PDE4D: variants seen among roughly 807,000 people sequenced by gnomAD.
PDE4D encodes the protein 3',5'-cyclic-AMP phosphodiesterase 4D.
PDE4D carries 24 observed loss-of-function variants against 87.4 expected under a neutral mutation model. That is an observed-to-expected ratio of 0.27 (90% CI 0.20 to 0.39). PDE4D has a LOEUF of 0.39. Among genes scored for constraint, PDE4D ranks in the 10% least tolerant of loss-of-function variants. The pLI, the probability that PDE4D is intolerant of heterozygous loss-of-function variation, is 1.00. For synonymous variants in PDE4D, 384 were observed against 383.2 expected (o/e 1.00, Z -0.02); for missense variants, 714 against 1,041.0 (o/e 0.69, Z 4.32).
At chr5:60,476,228 G>A (rs1480599821) in intron 1 of PDE4D, among the ~76,000 whole-genome samples, 1 of 152,174 alleles carries the variant, frequency 6.6e-6, no homozygotes, top group East Asian at 1.9e-4. Context: ...TCATGCATGT[G>A]ACATAGCACC....
intron 1 of PDE4D, among the ~76,000 whole-genome samples, chr5:59,508,378 G>A (rs1809656682): frequency 6.6e-6 from 1 of 152,082 alleles, no homozygotes; most frequent in Non-Finnish European, 1.5e-5. Flanking sequence ...ATATGGCATT[G>A]GATATTTGCG....
intron 1 of PDE4D, among the ~76,000 whole-genome samples, chr5:59,471,467 AT>A (rs1386937651): frequency 4.6e-5 from 7 of 152,252 alleles, no homozygotes; most frequent in Non-Finnish European, 1.0e-4. Flanking sequence ...TATGAGAATG[AT>A]TTTTAAAACA....
intron 5 of PDE4D, among the ~76,000 whole-genome samples, chr5:59,128,552 C>A (rs941869191): frequency 6.6e-6 from 1 of 152,032 alleles, no homozygotes; most frequent in African/African-American, 2.4e-5. Context: ...TCCAAATCTA[C>A]CCTAAAGCAT....
At chr5:59,061,129 G>A (rs1200619477) in intron 5 of PDE4D, among the ~76,000 whole-genome samples, 1 of 151,976 alleles carries the variant, frequency 6.6e-6, no homozygotes, top group African/African-American at 2.4e-5. Flanking sequence ...CACTATTCTT[G>A]TAAAGTCATT....
chr5:59,340,425 A>C (rs1032315059), intron 1 of PDE4D, among the ~76,000 whole-genome samples: 5 of 152,164 alleles, frequency 3.3e-5, no homozygotes, highest in African/African-American at 1.2e-4. Context: ...TAGTAGGTAT[A>C]TTTATGGGGT....
At chr5:60,397,008 C>A (rs946774287) in intron 1 of PDE4D, among the ~76,000 whole-genome samples, 4 of 152,182 alleles carry the variant, frequency 2.6e-5, no homozygotes, top group Admixed American at 6.5e-5. Context: ...TGGTCCAATG[C>A]AAATTTTTAG....
intron 1 of PDE4D, among the ~76,000 whole-genome samples, chr5:60,325,867 A>G (rs1248456461): frequency 6.6e-6 from 1 of 152,074 alleles, no homozygotes; most frequent in Non-Finnish European, 1.5e-5. Context: ...TCTGTTTTCC[A>G]TTTCATAATT....
intron 1 of PDE4D, among the ~76,000 whole-genome samples, chr5:60,247,909 A>C (rs1364380752): frequency 1.3e-5 from 2 of 152,118 alleles, no homozygotes; most frequent in Admixed American, 1.3e-4. Context: ...AAAACAAAAC[A>C]AAACCTTTGA....
chr5:60,128,342 C>T (rs1195218972), intron 2 of PDE4D, among the ~76,000 whole-genome samples: 4 of 152,146 alleles, frequency 2.6e-5, no homozygotes, highest in African/African-American at 7.2e-5. Flanking sequence ...CCTTAAGCAG[C>T]GAGTGGCAGA....
intron 1 of PDE4D, among the ~76,000 whole-genome samples, chr5:60,356,805 A>G (rs1485864774): frequency 1.3e-5 from 2 of 152,206 alleles, no homozygotes; most frequent in African/African-American, 4.8e-5. Context: ...GATTAACGGT[A>G]TATATCACCA....
At chr5:60,461,697 A>G (rs999408943) in intron 1 of PDE4D, among the ~76,000 whole-genome samples, 44 of 152,352 alleles carry the variant, frequency 2.9e-4, no homozygotes, top group Admixed American at 6.5e-4. Context: ...AAACAAAAAA[A>G]CATTCACCAG....
chr5:59,802,403 T>TC (rs1482935213), intron 1 of PDE4D, among the ~76,000 whole-genome samples: 1 of 147,050 alleles, frequency 6.8e-6, no homozygotes, highest in East Asian at 2.0e-4. Flanking sequence ...ATTCTTTTTT[T>TC]TTTTTTTTTT....
At chr5:59,386,663 G>GAAAAGA (rs1446285080) in intron 1 of PDE4D, among the ~76,000 whole-genome samples, 3 of 119,088 alleles carry the variant, frequency 2.5e-5, no homozygotes, top group Non-Finnish European at 5.1e-5. Context: ...GAAAGAAAAA[G>GAAAAGA]AAAAGAAGGG....
chr5:59,657,758 C>A (rs976344784), intron 1 of PDE4D, among the ~76,000 whole-genome samples: 1 of 152,154 alleles, frequency 6.6e-6, no homozygotes, highest in African/African-American at 2.4e-5. Flanking sequence ...TAGCTCACAA[C>A]AGCAGCTTAA....
intron 1 of PDE4D, among the ~76,000 whole-genome samples, chr5:59,679,698 TAAC>T (rs554388341): frequency 6.6e-6 from 1 of 152,124 alleles, no homozygotes. Flanking sequence ...TAACCAGACT[TAAC>T]AATGATTTAA....
intron 5 of PDE4D, among the ~76,000 whole-genome samples, chr5:59,045,409 C>A (rs1429891419): frequency 6.6e-6 from 1 of 151,922 alleles, no homozygotes; most frequent in African/African-American, 2.4e-5. Context: ...CAAAATTAGT[C>A]GGGCTTGGTG....
At chr5:59,687,865 GGA>G (rs1750176681) in intron 1 of PDE4D, among the ~76,000 whole-genome samples, 1 of 151,922 alleles carries the variant, frequency 6.6e-6, no homozygotes, top group South Asian at 2.1e-4. Flanking sequence ...AATAAAGGGA[GGA>G]AGGAAGATCT....
chr5:59,502,419 A>T (rs1808447418), intron 1 of PDE4D, among the ~76,000 whole-genome samples: 1 of 152,156 alleles, frequency 6.6e-6, no homozygotes, highest in South Asian at 2.1e-4. Flanking sequence ...ATTAGATCAC[A>T]TTCAGAAAGC....
chr5:59,173,548 T>G (rs992184333), intron 5 of PDE4D, among the ~76,000 whole-genome samples: 1 of 152,204 alleles, frequency 6.6e-6, no homozygotes, highest in African/African-American at 2.4e-5. Context: ...ATTTAGGAAA[T>G]CCGACAGTCA....
Sources: gnomAD v4.1 joint callset for allele counts (sites outside exome capture counted in the v4.1 genomes callset) on GRCh38, gnomAD v4.1.1 for gene constraint, MANE v1.5 for transcripts, NCBI Gene and HGNC (gene_info 2026-07-23, HGNC 2026-07-21) for gene names.